The following WWOX variants were observed in gnomAD, a reference collection of about 807,000 sequenced individuals.
WWOX encodes WW domain containing oxidoreductase.
In WWOX, 69 loss-of-function variants were observed where a neutral mutation model predicts 46.2. That is an observed-to-expected ratio of 1.49 (90% CI 1.23 to 1.82). The LOEUF (loss-of-function observed/expected upper bound fraction) is 1.82. Ranked by LOEUF, WWOX falls within the 40% of genes most tolerant of loss-of-function variation. The probability of loss-of-function intolerance (pLI) is 0.00; values close to 1 mark genes in which losing one functional copy is unlikely to be tolerated. For missense variants in WWOX, 919 were observed against 542.6 expected, an observed-to-expected ratio of 1.69 and a Z score of -6.89; for synonymous variants, 359 against 202.6, an observed-to-expected ratio of 1.77 and a Z score of -6.56.
chr16:79,169,094 C>T (rs1373355516), intron 8 of WWOX, among the ~76,000 whole-genome samples: 1 of 152,128 alleles, frequency 6.6e-6, no homozygotes, highest in African/African-American at 2.4e-5. Context: ...AACATGATCC[C>T]ACTTAATCCT....
intron 8 of WWOX, among the ~76,000 whole-genome samples, chr16:78,557,170 C>G (rs565496856): frequency 5.3e-5 from 8 of 152,094 alleles, no homozygotes; most frequent in Non-Finnish European, 1.2e-4. Context: ...TAGATTTTGC[C>G]TCTGCTTGTT....
chr16:78,422,777 A>ATATATACACACATG (rs1407788493), intron 6 of WWOX, among the ~76,000 whole-genome samples: 1 of 114,768 alleles, frequency 8.7e-6, no homozygotes, highest in East Asian at 2.3e-4. Flanking sequence ...ATACACACAT[A>ATATATACACACATG]TATATATACA....
rs1000366289 is a variant in WWOX, at chr16:78,796,445, G to C, written c.1056+363693G>C. ...CCTGCTTCCCATTGGCCAGAATTCA[G>C]TCACATGATCACAACCAACTGCAAG... On this transcript the variant is annotated intron_variant, in intron 8 of 8. Coordinates refer to ENST00000566780, the MANE Select transcript of WWOX (RefSeq NM_016373.4). Among the ~76,000 whole-genome samples, 5 of 152,346 alleles carry C rather than the reference G, an allele frequency of 3.3e-5. No homozygotes were observed. The East Asian group carries it at 9.6e-4, about 29-fold the overall frequency.
At chr16:78,663,748 T>A (rs1002130211) in intron 8 of WWOX, among the ~76,000 whole-genome samples, 1 of 151,900 alleles carries the variant, frequency 6.6e-6, no homozygotes, top group African/African-American at 2.4e-5. Context: ...GTGATGGCTT[T>A]TGAGGAGGTG....
intron 5 of WWOX, among the ~76,000 whole-genome samples, chr16:78,366,672 C>G (rs985723227): frequency 3.9e-5 from 6 of 152,140 alleles, no homozygotes; most frequent in African/African-American, 1.2e-4. Context: ...TGCTTTCATG[C>G]TATTAAAGCT....
At chr16:78,625,783 G>T (rs1451134752) in intron 8 of WWOX, among the ~76,000 whole-genome samples, 18 of 137,346 alleles carry the variant, frequency 1.3e-4, no homozygotes, top group Admixed American at 5.8e-4. Context: ...GTTTTTGCCA[G>T]TACTTAAAAG....
At chr16:79,141,461 C>T (rs893159502) in intron 8 of WWOX, among the ~76,000 whole-genome samples, 2 of 152,206 alleles carry the variant, frequency 1.3e-5, no homozygotes, top group Non-Finnish European at 2.9e-5. Context: ...AGACCTGGCT[C>T]AGATTTTCAG....
At chr16:78,829,530 G>A (rs1262990526) in intron 8 of WWOX, among the ~76,000 whole-genome samples, 1 of 152,058 alleles carries the variant, frequency 6.6e-6, no homozygotes, top group Non-Finnish European at 1.5e-5. Context: ...GGCACTGTGT[G>A]GCCCAGTCAA....
At chr16:78,450,573 C>T (rs2083667971) in intron 8 of WWOX, among the ~76,000 whole-genome samples, 1 of 152,194 alleles carries the variant, frequency 6.6e-6, no homozygotes, top group South Asian at 2.1e-4. Flanking sequence ...TTAGTATTCT[C>T]ACTCTTTAAA....
At chr16:78,308,644 G>A (rs2080178015) in intron 5 of WWOX, among the ~76,000 whole-genome samples, 2 of 152,204 alleles carry the variant, frequency 1.3e-5, no homozygotes, top group South Asian at 4.1e-4. Context: ...CCCTTTCCAG[G>A]TCTTTTCCTG....
intron 6 of WWOX, among the ~76,000 whole-genome samples, chr16:78,387,410 G>A (rs559407003): frequency 6.6e-5 from 10 of 152,264 alleles, no homozygotes; most frequent in African/African-American, 2.4e-4. Context: ...GTACATGGAT[G>A]TGGTTCCAAA....
chr16:78,855,413 C>G (rs1437379311), intron 8 of WWOX, among the ~76,000 whole-genome samples: 3 of 152,072 alleles, frequency 2.0e-5, no homozygotes, highest in South Asian at 4.1e-4. Context: ...TGTTTGAAGA[C>G]AAATGCAGTG....
intron 7 of WWOX, among the ~76,000 whole-genome samples, chr16:78,431,945 C>T (rs1243991587): frequency 6.6e-6 from 1 of 151,948 alleles, no homozygotes; most frequent in African/African-American, 2.4e-5. Flanking sequence ...TGAACTCCTA[C>T]ACTCAAGCAA....
At chr16:78,991,820 G>C (rs1040403409) in intron 8 of WWOX, among the ~76,000 whole-genome samples, 1 of 152,020 alleles carries the variant, frequency 6.6e-6, no homozygotes, top group Non-Finnish European at 1.5e-5. Context: ...TTTTCATCTC[G>C]GTGTTCATTA....
At chr16:79,059,716 T>A (rs1195159626) in intron 8 of WWOX, among the ~76,000 whole-genome samples, 1 of 152,142 alleles carries the variant, frequency 6.6e-6, no homozygotes, top group Non-Finnish European at 1.5e-5. Flanking sequence ...GGCATCTCAA[T>A]CGTTTTACTA....
chr16:78,970,358 T>C (rs7205680), intron 8 of WWOX, among the ~76,000 whole-genome samples: 3,950 of 152,340 alleles, frequency 0.026, 162 homozygotes, highest in African/African-American at 0.088. Context: ...GAATGGTTTT[T>C]GAATAACATC....
At chr16:78,430,871 G>A (rs759152928) in intron 7 of WWOX, among the ~76,000 whole-genome samples, 1 of 152,146 alleles carries the variant, frequency 6.6e-6, no homozygotes, top group Non-Finnish European at 1.5e-5. Flanking sequence ...CCCTTGCCAT[G>A]CTTTTCTTGG....
At chr16:79,098,691 A>G (rs1275865019) in intron 8 of WWOX, among the ~76,000 whole-genome samples, 1 of 152,232 alleles carries the variant, frequency 6.6e-6, no homozygotes, top group Non-Finnish European at 1.5e-5. Context: ...TGCACACAAT[A>G]CATGTCTACT....
At chr16:78,712,180 C>T (rs1174830845) in intron 8 of WWOX, among the ~76,000 whole-genome samples, 3 of 152,048 alleles carry the variant, frequency 2.0e-5, no homozygotes, top group African/African-American at 7.2e-5. Flanking sequence ...GGGATAGGCT[C>T]ATTCAGGGTG....
Sources: allele counts gnomAD v4.1 joint callset (sites outside exome capture counted in the v4.1 genomes callset), GRCh38; gene constraint gnomAD v4.1.1; transcripts MANE v1.5; gene names NCBI Gene and HGNC (gene_info 2026-07-23, HGNC 2026-07-21).